The following ADAM23 variants were observed in gnomAD, a reference collection of about 807,000 sequenced individuals.
The protein encoded by ADAM23 is disintegrin and metalloproteinase domain-containing protein 23.
A neutral mutation model predicts 120.1 loss-of-function variants in ADAM23; 33 were observed. The ratio of observed to expected loss-of-function variants is 0.27; its 90% CI spans 0.21 to 0.37. The LOEUF is 0.37. Ranked by LOEUF, ADAM23 falls within the 10% of genes least tolerant of loss-of-function variation. ADAM23 has a pLI of 1.00. For synonymous variants in ADAM23, 367 were observed against 375.2 expected (o/e 0.98, Z 0.25); for missense variants, 862 against 1,058.2 (o/e 0.81, Z 2.57).
chr2:206,577,791 C>T (rs959038163), intron 18 of ADAM23, among the ~76,000 whole-genome samples: 1 of 151,732 alleles, frequency 6.6e-6, no homozygotes, highest in Non-Finnish European at 1.5e-5. Flanking sequence ...AATGGGATGG[C>T]TTGGTCAAAT....
intron 3 of ADAM23, among the ~76,000 whole-genome samples, chr2:206,487,181 G>A (rs142356295): frequency 1.3e-5 from 2 of 152,306 alleles, no homozygotes; most frequent in African/African-American, 4.8e-5. Context: ...ACCTCCGTGA[G>A]GCAGTCACTG....
intron 2 of ADAM23, among the ~76,000 whole-genome samples, chr2:206,472,078 G>T (rs887276263): frequency 6.6e-6 from 1 of 152,148 alleles, no homozygotes; most frequent in Non-Finnish European, 1.5e-5. Context: ...AGGATGCTTT[G>T]TCAGTGAAAG....
Position 206,565,040 on chromosome 2 carries a change from T to C in ADAM23, c.1366T>C (p.Trp456Arg). ...ACCAGAATGTGACTGCACAGAATCC[T>C]GGGGTGGCTGCATCATGGAGGAAAC... ...RKPKCDCTESWGGCIMEETGV... is the reference protein window; with the variant it reads ...RKPKCDCTESRGGCIMEETGV... The change falls in exon 14 of 26, where the codon TGG (tryptophan) becomes CGG (arginine). Residue 456 changes from tryptophan to arginine, a missense_variant. Physicochemically the swap from Trp to Arg is moderately radical, Grantham distance 101. This residue lies in a region of ADAM23 where 617 missense variants were observed against 813.5 expected (regional missense o/e 0.76). Transcript: ENST00000264377. 1.2e-6 allele frequency: 2 copies of C among 1,614,078 alleles called. No individual in the cohort carries two copies. Among genetic ancestry groups the C allele is most frequent in the Non-Finnish European group, 1.7e-6 (2 of 1,179,978 alleles).
chr2:206,581,667 A>C (rs576242999), intron 18 of ADAM23, among the ~76,000 whole-genome samples: 108 of 152,310 alleles, frequency 7.1e-4, no homozygotes, highest in Non-Finnish European at 1.1e-3. Flanking sequence ...AGAAAGTTCC[A>C]TGCACTGTTG....
At chr2:206,575,076 TGATA>T (rs1698085658) in intron 18 of ADAM23, among the ~76,000 whole-genome samples, 1 of 152,078 alleles carries the variant, frequency 6.6e-6, no homozygotes, top group African/African-American at 2.4e-5. Flanking sequence ...GGGTAGGATG[TGATA>T]GATAGGGTGA....
chr2:206,574,941 A>G (rs1011949451), intron 18 of ADAM23, among the ~76,000 whole-genome samples: 1 of 152,210 alleles, frequency 6.6e-6, no homozygotes, highest in Non-Finnish European at 1.5e-5. Context: ...GCACTGCTGT[A>G]AATGCTGGGA....
intron 21 of ADAM23, among the ~76,000 whole-genome samples, chr2:206,590,483 A>G (rs1698406117): frequency 6.6e-6 from 1 of 152,220 alleles, no homozygotes; most frequent in Non-Finnish European, 1.5e-5. Flanking sequence ...GAACAATGGA[A>G]TCATTAAGGA....
chr2:206,570,787 G>A lies in ADAM23; in HGVS notation c.1542G>A (p.Glu514=). The change falls in exon 16 of 26, where the codon GAG becomes GAA. Residue 514 remains glutamate (E), a synonymous_variant. Coordinates refer to ENST00000264377, the MANE Select transcript of ADAM23 (RefSeq NM_003812.4). ...GAAATGGATACGTGGAAGCTGGGGA[G>A]GAGTGTGATTGTGGTTTTCATGTGG... The part of the protein sequence containing the change: ...ECGNGYVEAG[E]ECDCGFHVEC... The A allele has an allele frequency of 6.2e-7, 1 of 1,613,954 alleles. No homozygotes were observed. The highest frequency in any genetic ancestry group is 8.5e-7 in the Non-Finnish European group (1 of 1,179,842).
At chr2:206,460,820 A>G (rs1001810426) in intron 2 of ADAM23, among the ~76,000 whole-genome samples, 5 of 152,170 alleles carry the variant, frequency 3.3e-5, no homozygotes, top group Admixed American at 2.0e-4. Flanking sequence ...GCCAAATCCT[A>G]TGTTATGAAG....
intron 3 of ADAM23, among the ~76,000 whole-genome samples, chr2:206,522,202 G>A (rs1048066401): frequency 5.3e-5 from 8 of 151,420 alleles, no homozygotes; most frequent in African/African-American, 1.5e-4. Flanking sequence ...AACTATATTT[G>A]TACACATATA....
chr2:206,573,258 A>G, intron 18 of ADAM23, 63 bp downstream of exon 18: 15 of 1,467,148 alleles, frequency 1.0e-5, no homozygotes, highest in Non-Finnish European at 1.1e-5. Context: ...TCCTTACCAC[A>G]GTGCTTGGGG....
intron 6 of ADAM23, among the ~76,000 whole-genome samples, chr2:206,545,103 G>GA (rs1697368630): frequency 6.6e-6 from 1 of 152,162 alleles, no homozygotes; most frequent in African/African-American, 2.4e-5. Flanking sequence ...ACTGTAGCGG[G>GA]AAAATAATAT....
chr2:206,482,304 C>G (rs188499648), intron 3 of ADAM23, among the ~76,000 whole-genome samples: 1 of 152,288 alleles, frequency 6.6e-6, no homozygotes, highest in East Asian at 1.9e-4. Flanking sequence ...GCAGGTTTTC[C>G]TCTTTGGTTG....
chr2:206,595,077 A>G (rs866748829), intron 23 of ADAM23, among the ~76,000 whole-genome samples, 172 bp downstream of exon 23: 1 of 152,062 alleles, frequency 6.6e-6, no homozygotes. Context: ...GCTACTCAGG[A>G]GGCTTTTGCA....
intron 24 of ADAM23, among the ~76,000 whole-genome samples, chr2:206,603,183 A>T (rs1324305990): frequency 6.6e-6 from 1 of 150,518 alleles, no homozygotes; most frequent in East Asian, 1.9e-4. Context: ...ATTAGTGTAG[A>T]AGTAGAATTT....
At chr2:206,516,782 T>G (rs2105786783) in intron 3 of ADAM23, among the ~76,000 whole-genome samples, 1 of 152,236 alleles carries the variant, frequency 6.6e-6, no homozygotes, top group East Asian at 1.9e-4. Flanking sequence ...TCACTGAAAT[T>G]AGAACTAGTG....
At chr2:206,498,104 C>T (rs1012874179) in intron 3 of ADAM23, among the ~76,000 whole-genome samples, 13 of 152,160 alleles carry the variant, frequency 8.5e-5, no homozygotes, top group African/African-American at 2.9e-4. Flanking sequence ...CAATGCCATC[C>T]CCATCAAGCT....
chr2:206,462,683 C>A (rs1695450525), intron 2 of ADAM23, among the ~76,000 whole-genome samples: 1 of 152,012 alleles, frequency 6.6e-6, no homozygotes, highest in East Asian at 1.9e-4. Context: ...TAAGGATTTG[C>A]CGGGAGCTCC....
chr2:206,548,418 C>G, intron 8 of ADAM23, 64 bp downstream of exon 8: 1 of 1,470,544 alleles, frequency 6.8e-7, no homozygotes, highest in Non-Finnish European at 9.4e-7. Flanking sequence ...GCCTATCACC[C>G]CACATTATCT....
Sources: gnomAD v4.1 joint callset for allele counts (sites outside exome capture counted in the v4.1 genomes callset) on GRCh38, gnomAD v4.1.1 for gene constraint, gnomAD v4.1.1 regional missense constraint, MANE v1.5 for transcripts, NCBI Gene and HGNC (gene_info 2026-07-23, HGNC 2026-07-21) for gene names.